The following NCKAP5 variants were observed in gnomAD, a reference collection of about 807,000 sequenced individuals.
The protein encoded by NCKAP5 is NCK associated protein 5.
NCKAP5 carries 92 observed loss-of-function variants against 167.0 expected under a neutral mutation model. The observed-to-expected ratio is 0.55, with a 90% CI of 0.47 to 0.66. The LOEUF (loss-of-function observed/expected upper bound fraction) is 0.66. NCKAP5 is among the 30% of genes least tolerant of loss of function. The pLI, the probability that NCKAP5 is intolerant of heterozygous loss-of-function variation, is 0.00. For missense variants in NCKAP5, 2,378 were observed against 2,315.0 expected (o/e 1.03, Z -0.56); for synonymous variants, 891 against 877.4 (o/e 1.02, Z -0.27).
At position 133,394,383 on chromosome 2, in the gene NCKAP5, C is replaced by T. The variant is rs375338645; in HGVS notation, c.70-91273G>A. ...TCAGATGTGGAAGTGAAGGAAATCT[C>T]TCAGAGAAGATGGACTATCCAAGAC... On this transcript the variant is annotated intron_variant, in intron 3 of 19. Coordinates refer to ENST00000409261, the MANE Select transcript of NCKAP5 (RefSeq NM_207363.3). Among the ~76,000 whole-genome samples, 68 of 152,242 alleles carry T rather than the reference C, an allele frequency of 4.5e-4. 2 individuals are homozygous for T. Among genetic ancestry groups the T allele is most frequent in the African/African-American group, 1.6e-3 (65 of 41,536 alleles).
At chr2:133,625,973 T>C in the NCKAP5 span, among the ~76,000 whole-genome samples, 1 of 152,136 alleles carries the variant, frequency 6.6e-6, no homozygotes, top group Non-Finnish European at 1.5e-5. Context: ...TTAAACTTAA[T>C]TGGTCGCCAT....
At chr2:133,383,229 C>A (rs879629564) in intron 3 of NCKAP5, among the ~76,000 whole-genome samples, 7 of 152,134 alleles carry the variant, frequency 4.6e-5, no homozygotes, top group African/African-American at 1.2e-4. Flanking sequence ...CTTCACCCCA[C>A]AACAGGCCCT....
chr2:132,879,161 A>C (rs576436148), intron 8 of NCKAP5, among the ~76,000 whole-genome samples: 1 of 152,344 alleles, frequency 6.6e-6, no homozygotes, highest in South Asian at 2.1e-4. Flanking sequence ...GAACAGGTAG[A>C]AAATCAAATC....
chr2:132,701,763 C>CA (rs1341633276), intron 19 of NCKAP5, among the ~76,000 whole-genome samples: 4 of 152,034 alleles, frequency 2.6e-5, no homozygotes, highest in Admixed American at 6.6e-5. Context: ...TCTGTTCCTA[C>CA]AAAAAAATAC....
chr2:133,439,535 T>C (rs998540393), intron 3 of NCKAP5, among the ~76,000 whole-genome samples: 29 of 152,244 alleles, frequency 1.9e-4, no homozygotes, highest in Non-Finnish European at 4.3e-4. Flanking sequence ...TCTTGACCAA[T>C]TCAAGGACTG....
At chr2:133,192,606 A>G (rs922531063) in intron 5 of NCKAP5, among the ~76,000 whole-genome samples, 1 of 152,118 alleles carries the variant, frequency 6.6e-6, no homozygotes, top group African/African-American at 2.4e-5. Flanking sequence ...ATGTAGAGAC[A>G]TTTCAAAGAT....
intron 3 of NCKAP5, among the ~76,000 whole-genome samples, chr2:133,480,231 C>CT (rs1448885624): frequency 6.6e-6 from 1 of 152,048 alleles, no homozygotes; most frequent in Non-Finnish European, 1.5e-5. Flanking sequence ...CACACCTGGC[C>CT]TAGGGAATTA....
intron 8 of NCKAP5, among the ~76,000 whole-genome samples, chr2:132,960,998 T>G (rs949407317): frequency 6.6e-6 from 1 of 152,210 alleles, no homozygotes; most frequent in Non-Finnish European, 1.5e-5. Context: ...AATATGCTAA[T>G]AGAAAAATTC....
chr2:133,503,304 C>G (rs753089233), intron 3 of NCKAP5, among the ~76,000 whole-genome samples: 2 of 152,162 alleles, frequency 1.3e-5, no homozygotes, highest in Non-Finnish European at 2.9e-5. Context: ...CATTTAAGTT[C>G]TCAAATGATC....
intron 4 of NCKAP5, among the ~76,000 whole-genome samples, chr2:133,234,143 G>T (rs1286949814): frequency 6.6e-6 from 1 of 152,186 alleles, no homozygotes; most frequent in Non-Finnish European, 1.5e-5. Flanking sequence ...GGCCAGAAGT[G>T]CCAGAATGTC....
At chr2:133,153,663 T>G (rs544135775) in intron 5 of NCKAP5, among the ~76,000 whole-genome samples, 1 of 152,034 alleles carries the variant, frequency 6.6e-6, no homozygotes, top group East Asian at 1.9e-4. Flanking sequence ...GCCCCATCTT[T>G]AAACACTCTC....
intron 8 of NCKAP5, among the ~76,000 whole-genome samples, chr2:132,918,199 T>C (rs1345119684): frequency 1.3e-5 from 2 of 152,176 alleles, no homozygotes; most frequent in African/African-American, 2.4e-5. Flanking sequence ...TGCATCAACA[T>C]TGCAATGAGC....
At chr2:132,777,528 T>C (rs763038795) in intron 15 of NCKAP5, among the ~76,000 whole-genome samples, 2 of 152,078 alleles carry the variant, frequency 1.3e-5, no homozygotes, top group Non-Finnish European at 2.9e-5. Flanking sequence ...CATTTTGATG[T>C]CAAAGCTCAT....
At chr2:133,361,036 GTGAC>G (rs1017974971) in intron 3 of NCKAP5, among the ~76,000 whole-genome samples, 2 of 150,044 alleles carry the variant, frequency 1.3e-5, no homozygotes, top group African/African-American at 5.0e-5. Context: ...ACCTATGCTG[GTGAC>G]TGGAGAATCT....
At chr2:133,661,330 A>G in the NCKAP5 span, among the ~76,000 whole-genome samples, 1 of 152,178 alleles carries the variant, frequency 6.6e-6, no homozygotes, top group African/African-American at 2.4e-5. Context: ...GAAATCACAA[A>G]GCACCAACTC....
chr2:133,544,263 T>C (rs1012323551), intron 2 of NCKAP5, among the ~76,000 whole-genome samples: 3 of 152,216 alleles, frequency 2.0e-5, no homozygotes, highest in African/African-American at 7.2e-5. Context: ...GAATATTCTA[T>C]TATTAAAATA....
intron 3 of NCKAP5, among the ~76,000 whole-genome samples, chr2:133,432,841 G>A (rs1002444083): frequency 7.2e-5 from 11 of 152,124 alleles, no homozygotes; most frequent in African/African-American, 2.7e-4. Context: ...CCTATGAAAT[G>A]GGGATATTAT....
chr2:133,503,112 G>A (rs1456035755), intron 3 of NCKAP5, among the ~76,000 whole-genome samples: 3 of 152,198 alleles, frequency 2.0e-5, no homozygotes, highest in African/African-American at 7.2e-5. Context: ...GCACTTACTG[G>A]AATAGAGCTT....
chr2:133,440,948 G>A (rs1437135394), intron 3 of NCKAP5, among the ~76,000 whole-genome samples: 1 of 152,064 alleles, frequency 6.6e-6, no homozygotes, highest in African/African-American at 2.4e-5. Context: ...ACACACAAAT[G>A]AACTTGGTCA....
Sources: allele counts gnomAD v4.1 joint callset (sites outside exome capture counted in the v4.1 genomes callset), GRCh38; gene constraint gnomAD v4.1.1; transcripts MANE v1.5; gene names NCBI Gene and HGNC (gene_info 2026-07-23, HGNC 2026-07-21).